FSTL4: variants seen among roughly 807,000 people sequenced by gnomAD.
The protein encoded by FSTL4 is follistatin like 4.
Under a neutral mutation model 78.2 loss-of-function variants are expected in FSTL4, and 28 were observed. The ratio of observed to expected loss-of-function variants is 0.36; its 90% CI spans 0.27 to 0.49. FSTL4 has a LOEUF of 0.49. FSTL4 is among the 20% of genes least tolerant of loss of function. FSTL4 has a pLI of 0.98. For synonymous variants in FSTL4, 422 were observed against 440.5 expected (o/e 0.96, Z 0.53); for missense variants, 922 against 1,084.9 (o/e 0.85, Z 2.11).
intron 3 of FSTL4, among the ~76,000 whole-genome samples, chr5:133,457,644 G>A (rs972177004): frequency 3.3e-5 from 5 of 152,212 alleles, no homozygotes; most frequent in African/African-American, 7.2e-5. Flanking sequence ...CCAATCAAAC[G>A]CTTCTCAGCT....
rs1281374937 is a variant in FSTL4 at position 133,611,148 on chromosome 5, C to G, written c.-11+1177G>C. ...GCGCCATTCATCAGTGTCGGCGGCC[C>G]GCGGCCGCGAGCGAGGGCTGCTGGA... is the stretch of plus-strand genomic sequence containing the variant. On this transcript the variant is annotated intron_variant, in intron 1 of 15. Coordinates refer to ENST00000265342, the MANE Select transcript of FSTL4 (RefSeq NM_015082.2). This position sits in a 1 kb window ranked among gnomAD's most constrained non-coding sequence, Gnocchi z 4.9. 6.6e-6 allele frequency among the ~76,000 whole-genome samples: 1 copy of G among 152,010 alleles called. No homozygotes were observed. Among genetic ancestry groups the G allele is most frequent in the East Asian group, 1.9e-4 (1 of 5,146 alleles).
intron 3 of FSTL4, among the ~76,000 whole-genome samples, chr5:133,514,182 G>GATAATAATAATA (rs10671234): frequency 2.9e-4 from 34 of 116,630 alleles, no homozygotes; most frequent in Admixed American, 1.5e-3. Context: ...CCGTCTCAAT[G>GATAATAATAATA]ATAATAATAA....
chr5:133,466,435 G>A (rs1456479786), intron 3 of FSTL4, among the ~76,000 whole-genome samples: 7 of 152,060 alleles, frequency 4.6e-5, no homozygotes, highest in Admixed American at 2.6e-4. Context: ...CCAGCTACTC[G>A]GGAGGCTGAG....
intron 4 of FSTL4, among the ~76,000 whole-genome samples, chr5:133,355,171 C>T (rs983792180): frequency 1.3e-5 from 2 of 152,236 alleles, no homozygotes; most frequent in Non-Finnish European, 2.9e-5. Flanking sequence ...CTGTGCTAGA[C>T]GTCTGTGCAG....
intron 3 of FSTL4, among the ~76,000 whole-genome samples, chr5:133,446,168 G>A (rs963092048): frequency 6.6e-6 from 1 of 152,226 alleles, no homozygotes; most frequent in South Asian, 2.1e-4. Context: ...GGCCAGGCTC[G>A]GTGGCTCACG....
At chr5:133,254,520 G>A (rs1208550146) in intron 6 of FSTL4, among the ~76,000 whole-genome samples, 5 of 152,234 alleles carry the variant, frequency 3.3e-5, no homozygotes, top group African/African-American at 1.2e-4. Flanking sequence ...CTAATGGAAA[G>A]GGTATATTGG....
intron 3 of FSTL4, among the ~76,000 whole-genome samples, chr5:133,542,283 A>G (rs1759493146): frequency 6.6e-6 from 1 of 152,204 alleles, no homozygotes; most frequent in African/African-American, 2.4e-5. Context: ...CTGTGGTGAA[A>G]TACATCAAGA....
rs376957833 is a variant in FSTL4, at chr5:133,319,390, C to G, written c.410-2738G>C. On this transcript the variant is annotated intron_variant, in intron 4 of 15. Transcript: ENST00000265342. The stretch of plus-strand genomic sequence containing the variant: ...TACTGTGTGCCCGATGCTGGGCAGC[C>G]TCCAGTCCTGGGCACTGTGGGTGCC... Among the ~76,000 whole-genome samples the G allele has an allele frequency of 3.9e-5, 6 of 152,360 alleles. No homozygotes were observed. In the East Asian group the frequency reaches 9.6e-4, roughly 25 times the overall value.
chr5:133,557,277 C>G (rs916590806), intron 3 of FSTL4, among the ~76,000 whole-genome samples: 2 of 152,224 alleles, frequency 1.3e-5, no homozygotes, highest in Admixed American at 6.5e-5. Flanking sequence ...GCACCTCCCC[C>G]CTGAAACGCT....
chr5:133,656,760 G>A, the FSTL4 span, among the ~76,000 whole-genome samples: 1 of 152,212 alleles, frequency 6.6e-6, no homozygotes, highest in Non-Finnish European at 1.5e-5. Context: ...GGGGATGCAG[G>A]AGAGTGACTT....
At chr5:133,663,583 G>A in the FSTL4 span, among the ~76,000 whole-genome samples, 37 of 152,342 alleles carry the variant, frequency 2.4e-4, no homozygotes, top group Admixed American at 9.8e-4. Flanking sequence ...GGAAAGGGGC[G>A]TTCAATTGCT....
the FSTL4 span, among the ~76,000 whole-genome samples, chr5:133,726,630 T>A: frequency 1.3e-5 from 2 of 152,298 alleles, no homozygotes; most frequent in Admixed American, 6.5e-5. Flanking sequence ...TATTTTAGTA[T>A]TGTGTGCACT....
the FSTL4 span, among the ~76,000 whole-genome samples, chr5:133,740,874 C>T: frequency 1.3e-5 from 2 of 152,200 alleles, no homozygotes; most frequent in African/African-American, 4.8e-5. Flanking sequence ...CGTGCAGGAC[C>T]ATCTGGGCAG....
At chr5:133,627,287 G>A in the FSTL4 span, among the ~76,000 whole-genome samples, 1 of 151,866 alleles carries the variant, frequency 6.6e-6, no homozygotes, top group Admixed American at 6.6e-5. Flanking sequence ...CGTGGCTGAG[G>A]AGCAAGGCAC....
At chr5:133,392,246 G>A (rs1755867721) in intron 4 of FSTL4, among the ~76,000 whole-genome samples, 1 of 152,156 alleles carries the variant, frequency 6.6e-6, no homozygotes, top group Admixed American at 6.5e-5. Context: ...AGAGGTCAGG[G>A]ATGAAGATAT....
the FSTL4 span, among the ~76,000 whole-genome samples, chr5:133,777,637 T>C: frequency 7.4e-4 from 112 of 152,072 alleles, no homozygotes; most frequent in Non-Finnish European, 1.3e-3. Flanking sequence ...TTATGGGAGG[T>C]TTTCAACATA....
At chr5:133,366,314 G>T (rs1413142031) in intron 4 of FSTL4, among the ~76,000 whole-genome samples, 1 of 152,104 alleles carries the variant, frequency 6.6e-6, no homozygotes, top group Non-Finnish European at 1.5e-5. Context: ...ACTCCGCATT[G>T]AAACATCTCC....
intron 6 of FSTL4, among the ~76,000 whole-genome samples, chr5:133,250,975 G>C (rs1384704118): frequency 6.6e-6 from 1 of 152,178 alleles, no homozygotes; most frequent in Non-Finnish European, 1.5e-5. Context: ...GGAAAAATGT[G>C]ACTAACGGTG....
At chr5:133,655,167 A>C in the FSTL4 span, among the ~76,000 whole-genome samples, 1 of 151,998 alleles carries the variant, frequency 6.6e-6, no homozygotes. Flanking sequence ...CAGGCTCTAG[A>C]CCTCAGGTTC....
Sources: gnomAD v4.1 joint callset for allele counts (sites outside exome capture counted in the v4.1 genomes callset) on GRCh38, gnomAD v4.1.1 for gene constraint, Gnocchi (gnomAD v3.1) non-coding constraint, MANE v1.5 for transcripts, NCBI Gene and HGNC (gene_info 2026-07-23, HGNC 2026-07-21) for gene names.